The following MGMT variants were observed in gnomAD, a reference collection of about 807,000 sequenced individuals.
MGMT encodes the protein O-6-methylguanine-DNA methyltransferase, also known as methylated-DNA--protein-cysteine methyltransferase.
In MGMT, 14 loss-of-function variants were observed where a neutral mutation model predicts 15.9. The ratio of observed to expected loss-of-function variants is 0.88; its 90% CI spans 0.58 to 1.37. The LOEUF (loss-of-function observed/expected upper bound fraction) is 1.37, where lower values mean the gene tolerates loss of function less well. Among genes scored for constraint, MGMT ranks in the 40% most tolerant of loss-of-function variants. The pLI is 0.00. For missense variants in MGMT, 282 were observed against 268.1 expected, an observed-to-expected ratio of 1.05 and a Z score of -0.36; for synonymous variants, 130 against 118.2, an observed-to-expected ratio of 1.10 and a Z score of -0.65.
chr10:129,646,741 TATA>T (rs1847395333), intron 2 of MGMT, among the ~76,000 whole-genome samples: 1 of 106,976 alleles, frequency 9.3e-6, no homozygotes, highest in Admixed American at 9.3e-5. Context: ...TATATATATA[TATA>T]TATATATATA....
At chr10:129,707,292 A>C (rs192097116) in intron 2 of MGMT, among the ~76,000 whole-genome samples, 29 of 151,966 alleles carry the variant, frequency 1.9e-4, no homozygotes, top group African/African-American at 6.0e-4. Flanking sequence ...CAAACAAACA[A>C]ACACCAGGAA....
chr10:129,690,437 A>G (rs1847956541), intron 2 of MGMT, among the ~76,000 whole-genome samples: 1 of 152,214 alleles, frequency 6.6e-6, no homozygotes, highest in African/African-American at 2.4e-5. Context: ...AGTATGTACA[A>G]AAGGCACTGC....
rs566288428 is a variant in MGMT at position 129,723,497 on chromosome 10, G to A, written c.274+15454G>A. On this transcript the variant is annotated intron_variant, in intron 3 of 4. Transcript: ENST00000651593. Reference sequence around the variant, plus strand: ...AAAACATGAGTATTTTTCTGATTTGGGTAGGCACACATTTCTTATAACACC... The same window carrying A: ...AAAACATGAGTATTTTTCTGATTTGAGTAGGCACACATTTCTTATAACACC... Among the ~76,000 whole-genome samples, 39 of 151,918 alleles carry A rather than the reference G, an allele frequency of 2.6e-4. 1 individual carries two copies. In the South Asian group the frequency reaches 8.1e-3, roughly 32 times the overall value.
Position 129,536,299 on chromosome 10 carries a change from T to C in MGMT, c.47T>C (p.Leu16Ser), listed in dbSNP as rs953928301. The change falls in exon 2 of 5, where the codon TTG becomes TCG. Residue 16 changes from leucine (L) to serine (S), a missense_variant. Physicochemically the swap from Leu to Ser is moderately radical, Grantham distance 145 (BLOSUM62 -2). Transcript: ENST00000651593. ...AAACGCACCACACTGGACAGCCCTT[T>C]GGGGAAGCTGGAGCTGTCTGGTTGT... ...EMKRTTLDSP[L>S]GKLELSGCEQ... The C allele has an allele frequency of 6.2e-6, 10 of 1,613,964 alleles. No individual in the cohort carries two copies. The highest frequency in any genetic ancestry group is 8.5e-6 in the Non-Finnish European group (10 of 1,180,026).
intron 2 of MGMT, among the ~76,000 whole-genome samples, chr10:129,694,757 A>G (rs758894492): frequency 2.0e-5 from 3 of 152,168 alleles, no homozygotes; most frequent in African/African-American, 4.8e-5. Context: ...CCTGGAAGGA[A>G]GACAGAAGAT....
At chr10:129,745,384 C>T (rs879351176) in intron 3 of MGMT, among the ~76,000 whole-genome samples, 3 of 152,156 alleles carry the variant, frequency 2.0e-5, no homozygotes, top group Non-Finnish European at 4.4e-5. Context: ...CACGCCGCCC[C>T]CTGGCAGCCA....
chr10:129,593,830 G>C (rs925425304), intron 2 of MGMT, among the ~76,000 whole-genome samples: 1 of 152,188 alleles, frequency 6.6e-6, no homozygotes, highest in Admixed American at 6.5e-5. Flanking sequence ...GCAGTGAGGC[G>C]AACAGTGCTC....
At chr10:129,625,337 G>A (rs1037862447) in intron 2 of MGMT, among the ~76,000 whole-genome samples, 18 of 151,524 alleles carry the variant, frequency 1.2e-4, no homozygotes, top group Admixed American at 1.2e-3. Flanking sequence ...AATAGCAGAA[G>A]AGAGAATAAT....
chr10:129,703,926 C>T (rs1039140417), intron 2 of MGMT, among the ~76,000 whole-genome samples: 5 of 152,120 alleles, frequency 3.3e-5, no homozygotes, highest in Non-Finnish European at 7.3e-5. Flanking sequence ...GGCCCCATCA[C>T]GCTTGCTCTT....
At chr10:129,719,338 A>G (rs1011637862) in intron 3 of MGMT, among the ~76,000 whole-genome samples, 4 of 152,238 alleles carry the variant, frequency 2.6e-5, no homozygotes, top group African/African-American at 4.8e-5. Context: ...TAGCTGGCAC[A>G]TGCTGTGTGG....
At chr10:129,470,636 A>G (rs1845219939) in intron 1 of MGMT, among the ~76,000 whole-genome samples, 1 of 152,192 alleles carries the variant, frequency 6.6e-6, no homozygotes, top group African/African-American at 2.4e-5. Context: ...CCCGGCAGCA[A>G]AGCCAGTCCT....
intron 1 of MGMT, among the ~76,000 whole-genome samples, chr10:129,520,919 C>T (rs1845801148): frequency 6.6e-6 from 1 of 151,924 alleles, no homozygotes; most frequent in Non-Finnish European, 1.5e-5. Context: ...ATACAGAACC[C>T]CTACGGTGCG....
chr10:129,737,003 A>T (rs1489612351), intron 3 of MGMT, among the ~76,000 whole-genome samples: 1 of 151,968 alleles, frequency 6.6e-6, no homozygotes, highest in Non-Finnish European at 1.5e-5. Flanking sequence ...TTTTTCCTTC[A>T]TTTCAACTTT....
chr10:129,669,868 C>A (rs1447322810), intron 2 of MGMT, among the ~76,000 whole-genome samples: 1 of 152,130 alleles, frequency 6.6e-6, no homozygotes, highest in East Asian at 1.9e-4. Context: ...TGCCTTGTAA[C>A]TTTAGGTTGA....
intron 1 of MGMT, among the ~76,000 whole-genome samples, chr10:129,513,820 T>C (rs1024901183): frequency 6.6e-6 from 1 of 152,188 alleles, no homozygotes; most frequent in South Asian, 2.1e-4. Flanking sequence ...GCTTCCAAAC[T>C]CCACGGCTGA....
At chr10:129,732,733 G>A (rs1424953121) in intron 3 of MGMT, among the ~76,000 whole-genome samples, 1 of 122,504 alleles carries the variant, frequency 8.2e-6, no homozygotes, top group African/African-American at 3.1e-5. Context: ...ACAGTCCCCA[G>A]AATGTGATGT....
At chr10:129,746,523 A>G (rs575190602) in intron 3 of MGMT, among the ~76,000 whole-genome samples, 1 of 152,096 alleles carries the variant, frequency 6.6e-6, no homozygotes, top group Non-Finnish European at 1.5e-5. Context: ...ACGTTTCACT[A>G]TTTGCCTATG....
intron 1 of MGMT, among the ~76,000 whole-genome samples, chr10:129,518,349 C>T (rs866637509): frequency 0.038 from 5,626 of 148,808 alleles, 159 homozygotes; most frequent in South Asian, 0.072. Context: ...CACACACACA[C>T]ACACACACAC....
chr10:129,577,105 A>G (rs1263235463), intron 2 of MGMT, among the ~76,000 whole-genome samples: 1 of 152,160 alleles, frequency 6.6e-6, no homozygotes, highest in Non-Finnish European at 1.5e-5. Context: ...AAATGGCCAT[A>G]CTGCCCAAGG....
Sources: allele counts gnomAD v4.1 joint callset (sites outside exome capture counted in the v4.1 genomes callset), GRCh38; gene constraint gnomAD v4.1.1; transcripts MANE v1.5; gene names NCBI Gene and HGNC (gene_info 2026-07-23, HGNC 2026-07-21).